CDH13: variants seen among roughly 807,000 people sequenced by gnomAD.
The protein encoded by CDH13 is cadherin 13, also known as cadherin-13.
In CDH13, 24 loss-of-function variants were observed where a neutral mutation model predicts 63.8. The observed-to-expected ratio is 0.38, with a 90% CI of 0.27 to 0.53. The LOEUF is 0.53. Ranked by LOEUF, CDH13 falls within the 20% of genes least tolerant of loss-of-function variation. CDH13 has a pLI of 0.85. For synonymous variants in CDH13, 503 were observed against 355.3 expected (o/e 1.42, Z -4.67); for missense variants, 1,049 against 903.1 (o/e 1.16, Z -2.07).
intron 13 of CDH13, among the ~76,000 whole-genome samples, chr16:83,786,673 C>T (rs1304154955): frequency 2.0e-5 from 3 of 151,958 alleles, no homozygotes; most frequent in Non-Finnish European, 4.4e-5. Context: ...CTGCAACCTC[C>T]GTCTCCCGGG....
chr16:83,083,981 A>G (rs2033423727), intron 3 of CDH13, among the ~76,000 whole-genome samples: 1 of 152,218 alleles, frequency 6.6e-6, no homozygotes, highest in African/African-American at 2.4e-5. Flanking sequence ...TCGAGACCAG[A>G]CCTTTGCAAT....
intron 1 of CDH13, among the ~76,000 whole-genome samples, chr16:82,800,570 AC>A (rs1306108724): frequency 1.3e-5 from 2 of 152,174 alleles, no homozygotes; most frequent in Non-Finnish European, 2.9e-5. Flanking sequence ...AGGGCTCATA[AC>A]CCATAAAAGT....
chr16:83,159,512 A>G (rs1459874605), intron 4 of CDH13, among the ~76,000 whole-genome samples: 2 of 152,186 alleles, frequency 1.3e-5, no homozygotes, highest in South Asian at 4.1e-4. Flanking sequence ...AGGTTGTTGG[A>G]GAATTAAACT....
At chr16:83,014,867 TGTATATATATATG>T (rs1914600566) in intron 2 of CDH13, among the ~76,000 whole-genome samples, 1 of 127,380 alleles carries the variant, frequency 7.9e-6, no homozygotes, top group African/African-American at 2.8e-5. Context: ...TATATATATA[TGTATATATATATG>T]TTTGTGTATA....
At chr16:83,271,341 C>G (rs181581129) in intron 5 of CDH13, among the ~76,000 whole-genome samples, 1 of 141,256 alleles carries the variant, frequency 7.1e-6, no homozygotes, top group Non-Finnish European at 1.5e-5. Context: ...TGGACTTCTC[C>G]TTATCCTGGC....
rs77088278 is a variant in CDH13, at chr16:83,624,398, G to A, written c.1101+21804G>A. ...CTTTTTGGCACCAGGGACCGGTTTC[G>A]TAGAACACAATTTTTTCACAGATGG... On this transcript the variant is annotated intron_variant, in intron 8 of 13. Coordinates refer to ENST00000567109, the MANE Select transcript of CDH13 (RefSeq NM_001257.5). 5.2e-3 allele frequency among the ~76,000 whole-genome samples: 773 copies of A among 148,906 alleles called. 13 individuals are homozygous for A. Among genetic ancestry groups the A allele is most frequent in the African/African-American group, 0.018 (739 of 40,632 alleles).
intron 3 of CDH13, among the ~76,000 whole-genome samples, chr16:83,057,692 C>T (rs564931695): frequency 6.6e-6 from 1 of 152,158 alleles, no homozygotes; most frequent in Admixed American, 6.5e-5. Context: ...CCTGGCCATT[C>T]CCTTTGACCT....
At chr16:82,638,823 T>TGTGTGTCTGTGTGTGTGTGTGTGCGC (rs139451683) in intron 1 of CDH13, among the ~76,000 whole-genome samples, 1 of 150,790 alleles carries the variant, frequency 6.6e-6, no homozygotes, top group African/African-American at 2.4e-5. Flanking sequence ...GGGCAGTGTG[T>TGTGTGTCTGTGTGTGTGTGTGTGCGC]GCGTGTGTGC....
intron 3 of CDH13, among the ~76,000 whole-genome samples, chr16:83,121,240 G>T (rs1306293850): frequency 6.6e-6 from 1 of 152,012 alleles, no homozygotes; most frequent in African/African-American, 2.4e-5. Context: ...CTCTTTCATT[G>T]AGATTTTAAT....
chr16:83,027,865 C>A (rs1915962672), intron 2 of CDH13, among the ~76,000 whole-genome samples: 1 of 152,148 alleles, frequency 6.6e-6, no homozygotes. Context: ...AATAGGTCCC[C>A]AATTATTTAT....
intron 1 of CDH13, among the ~76,000 whole-genome samples, chr16:82,789,114 T>G (rs763884247): frequency 6.6e-6 from 1 of 152,192 alleles, no homozygotes; most frequent in Non-Finnish European, 1.5e-5. Flanking sequence ...TTCACCTTTT[T>G]CCATTTGTCT....
intron 7 of CDH13, among the ~76,000 whole-genome samples, chr16:83,520,952 C>A (rs973880902): frequency 3.3e-5 from 5 of 151,970 alleles, no homozygotes; most frequent in African/African-American, 1.2e-4. Context: ...CAGGAAGTGC[C>A]TCTCCTCAGG....
chr16:83,276,150 C>T (rs992388491), intron 5 of CDH13, among the ~76,000 whole-genome samples: 2 of 152,196 alleles, frequency 1.3e-5, no homozygotes, highest in South Asian at 2.1e-4. Flanking sequence ...GGCTGTTGTC[C>T]GAATCCTTTC....
Position 83,054,149 on chromosome 16 carries a change from T to C in CDH13, c.366+21931T>C, listed in dbSNP as rs550066291. Among the ~76,000 whole-genome samples the C allele has an allele frequency of 3.3e-5, 5 of 152,340 alleles. No individual in the cohort carries two copies. In the South Asian group the frequency reaches 1.0e-3, roughly 32 times the overall value. On this transcript the variant is annotated intron_variant, in intron 3 of 13. Coordinates refer to ENST00000567109, the MANE Select transcript of CDH13 (RefSeq NM_001257.5). ...TAGTAAGCTATACCATCTAGGTTTA[T>C]ATAAGTGCACTGTGTATTGTTTGCA...
intron 3 of CDH13, among the ~76,000 whole-genome samples, chr16:83,042,991 G>C (rs1917458171): frequency 6.6e-6 from 1 of 152,194 alleles, no homozygotes; most frequent in African/African-American, 2.4e-5. Flanking sequence ...CCCAGGTACT[G>C]TTAAGGAAAG....
intron 2 of CDH13, among the ~76,000 whole-genome samples, chr16:82,934,131 G>T (rs1351168411): frequency 6.6e-6 from 1 of 152,244 alleles, no homozygotes; most frequent in African/African-American, 2.4e-5. Flanking sequence ...CCTAGCAGAG[G>T]TTCTGCATGA....
chr16:82,963,988 A>G (rs916337212), intron 2 of CDH13, among the ~76,000 whole-genome samples: 2 of 152,200 alleles, frequency 1.3e-5, no homozygotes, highest in African/African-American at 2.4e-5. Flanking sequence ...CTGTTCACAC[A>G]GGGAACACCA....
At chr16:83,175,625 C>G (rs1310189320) in intron 4 of CDH13, among the ~76,000 whole-genome samples, 1 of 151,990 alleles carries the variant, frequency 6.6e-6, no homozygotes, top group African/African-American at 2.4e-5. Flanking sequence ...GACCAGCACA[C>G]TTGTTCACTG....
At chr16:83,654,376 C>A (rs978189281) in intron 8 of CDH13, among the ~76,000 whole-genome samples, 2 of 151,914 alleles carry the variant, frequency 1.3e-5, no homozygotes. Context: ...TAGGAACAGC[C>A]CCTGAATTTA....
Sources: gnomAD v4.1 joint callset for allele counts (sites outside exome capture counted in the v4.1 genomes callset) on GRCh38, gnomAD v4.1.1 for gene constraint, MANE v1.5 for transcripts, NCBI Gene and HGNC (gene_info 2026-07-23, HGNC 2026-07-21) for gene names.